UBR4: variants seen among roughly 807,000 people sequenced by gnomAD.
The protein encoded by UBR4 is ubiquitin protein ligase E3 component n-recognin 4.
In UBR4, 124 loss-of-function variants were observed where a neutral mutation model predicts 575.6. The ratio of observed to expected loss-of-function variants is 0.22; its 90% CI spans 0.19 to 0.25. The LOEUF (loss-of-function observed/expected upper bound fraction) is 0.25. Among genes scored for constraint, UBR4 ranks in the 10% least tolerant of loss-of-function variants. UBR4 has a pLI of 1.00. For synonymous variants in UBR4, 2,455 were observed against 2,473.7 expected (o/e 0.99, Z 0.22); for missense variants, 4,818 against 6,478.8 (o/e 0.74, Z 8.80).
chr1:19,097,799 G>C (rs1262965453), intron 90 of UBR4, among the ~76,000 whole-genome samples: 1 of 152,098 alleles, frequency 6.6e-6, no homozygotes, highest in African/African-American at 2.4e-5. Context: ...ATCAAAACAG[G>C]AAAAGAGAGT....
At chr1:19,082,370 G>C (rs939842689) in intron 102 of UBR4, 1 of 152,448 alleles carries the variant, frequency 6.6e-6, no homozygotes, top group Middle Eastern at 3.2e-3. Flanking sequence ...TAAGGATTCT[G>C]CCCAAGTCTC....
At chr1:19,181,656 A>G (rs1035921395) in intron 17 of UBR4, among the ~76,000 whole-genome samples, 2 of 152,206 alleles carry the variant, frequency 1.3e-5, no homozygotes, top group East Asian at 3.8e-4. Context: ...GTAGGTGCTC[A>G]ATGAATATGT....
rs759673000 is a variant in UBR4, at chr1:19,150,776, G to A, written c.7231C>T (p.Pro2411Ser). 2 of 1,613,794 alleles carry A rather than the reference G, an allele frequency of 1.2e-6. No individual in the cohort carries two copies. The change falls in exon 49 of 106, where the codon CCA (proline) becomes TCA (serine). Residue 2411 changes from proline (P) to serine (S), a missense_variant. Physicochemically the swap from Pro to Ser is moderately conservative, Grantham distance 74 (BLOSUM62 -1). Coordinates refer to ENST00000375254, the MANE Select transcript of UBR4 (RefSeq NM_020765.3). ...GCATCTATCATGGTGACACCTGCTG[G>A]ATCCACCGAGGCCCCAACTGCAATA... ...LNLFIGASVD[P>S]AGVTMIDAVK... is the part of the protein sequence containing the mutation.
chr1:19,156,171 G>C, intron 42 of UBR4, 100 bp downstream of exon 42: 1 of 1,496,566 alleles, frequency 6.7e-7, no homozygotes, highest in Non-Finnish European at 9.0e-7. Context: ...ATGGCACCCA[G>C]CTGATTTTTT....
At chr1:19,146,263 A>C in intron 52 of UBR4, 1 of 468,588 alleles carries the variant, frequency 2.1e-6, no homozygotes, top group South Asian at 2.3e-5. Context: ...TCTCTAGAAC[A>C]ATTCTGGGAT....
intron 68 of UBR4, among the ~76,000 whole-genome samples, 197 bp downstream of exon 68, chr1:19,120,992 T>A (rs2081111982): frequency 6.6e-6 from 1 of 152,258 alleles, no homozygotes; most frequent in Non-Finnish European, 1.5e-5. Context: ...TGTCACTTGG[T>A]ATGAGAAGTC....
In UBR4 at chr1:19,161,965, G is replaced by A; in HGVS notation, c.4957-68C>T. 4 of 1,561,652 alleles carry A rather than the reference G, an allele frequency of 2.6e-6. No homozygotes were observed. In the South Asian group the frequency reaches 3.4e-5, roughly 13 times the overall value. On this transcript the variant is annotated intron_variant, in intron 35 of 105. Coordinates refer to ENST00000375254, the MANE Select transcript of UBR4 (RefSeq NM_020765.3). Reference sequence around the variant, plus strand: ...CATATAAACACCCACAAAAACACATGTGCCTCAACGCCCTATGGCGGGGTG... The same window carrying A: ...CATATAAACACCCACAAAAACACATATGCCTCAACGCCCTATGGCGGGGTG...
intron 31 of UBR4, 102 bp downstream of exon 31, chr1:19,165,147 G>C: frequency 6.8e-7 from 1 of 1,470,032 alleles, no homozygotes; most frequent in South Asian, 1.2e-5. Context: ...CTCTCCACTC[G>C]TTAGCATTTT....
chr1:19,108,617 G>A (rs1419744753), intron 81 of UBR4, among the ~76,000 whole-genome samples: 1 of 152,164 alleles, frequency 6.6e-6, no homozygotes, highest in Non-Finnish European at 1.5e-5. Flanking sequence ...CCGGGTGGCA[G>A]TGAAGAACTG....
In UBR4 at chr1:19,170,788, G is replaced by A; in HGVS notation, c.3617C>T (p.Ser1206Phe). 6.2e-7 allele frequency: 1 copy of A among 1,614,190 alleles called. No individual in the cohort carries two copies. ...QGFAAVLAIG[S>F]SRCKANTLGP... ...CAGAGTATTTGCCTTGCACCTGCTA[G>A]AGCCAATAGCCAAAACAGCAGCAAA... is the stretch of plus-strand genomic sequence containing the variant. Residue 1206 changes from serine (S) to phenylalanine (F), a missense_variant, in exon 26 of 106, where the codon TCT (serine) becomes TTT (phenylalanine). Ser to Phe is a radical substitution (Grantham distance 155, BLOSUM62 -2). This residue lies in a region of UBR4 where 1,172 missense variants were observed against 1,259.7 expected (regional missense o/e 0.93). Coordinates refer to ENST00000375254, the MANE Select transcript of UBR4 (RefSeq NM_020765.3).
Position 19,117,879 on chromosome 1 carries a change from A to G in UBR4, c.10573T>C (p.Tyr3525His). 6.2e-7 allele frequency: 1 copy of G among 1,614,218 alleles called. No individual in the cohort carries two copies. Among genetic ancestry groups the G allele is most frequent in the Non-Finnish European group, 8.5e-7 (1 of 1,180,024 alleles). ...TLSGLVEFDG[Y>H]YLESDPCLVC... ...AGGCAGGGATCGCTCTCCAGGTAAT[A>G]GCCATCAAACTCCACTAAGCCAGAC... The change falls in exon 72 of 106, where the codon TAT (tyrosine) becomes CAT (histidine). Residue 3525 changes from tyrosine (Y) to histidine (H), a missense_variant. Around this residue, in one of 29 missense-constraint regions of UBR4, gnomAD observed 550 missense variants for 791.5 expected, o/e 0.69. Coordinates refer to ENST00000375254, the MANE Select transcript of UBR4 (RefSeq NM_020765.3). The surrounding 1 kb of genome is among the most constrained non-coding windows in gnomAD (Gnocchi z 4.0).
intron 29 of UBR4, among the ~76,000 whole-genome samples, chr1:19,166,620 G>A (rs1017942156): frequency 3.3e-5 from 5 of 149,452 alleles, no homozygotes; most frequent in African/African-American, 1.2e-4. Context: ...GCTCACGCCT[G>A]TAATCCCAGC....
intron 65 of UBR4, among the ~76,000 whole-genome samples, chr1:19,123,770 CT>C (rs2081428271): frequency 6.6e-6 from 1 of 152,208 alleles, no homozygotes. Flanking sequence ...AAATCCTCAT[CT>C]GAGGTTTGCT....
intron 85 of UBR4, 149 bp downstream of exon 85, chr1:19,104,899 T>C (rs1469167851): frequency 1.5e-6 from 2 of 1,319,498 alleles, no homozygotes; most frequent in African/African-American, 3.0e-5. Flanking sequence ...ACATAATAAA[T>C]ACAATGAAGT....
chr1:19,164,796 T>C lies in UBR4; in HGVS notation c.4511+3A>G, dbSNP rs777611196. On this transcript the variant is annotated splice_donor_region_variant and intron_variant, in intron 32 of 105. Coordinates refer to ENST00000375254, the MANE Select transcript of UBR4 (RefSeq NM_020765.3). ...AAACACGACAGAAATGTAGTTGTTC[T>C]ACCTGTTTTCCCGAACAATGTATGT... 22 of 1,613,648 alleles carry C rather than the reference T, an allele frequency of 1.4e-5. No homozygotes were observed. Among genetic ancestry groups the C allele is most frequent in the Non-Finnish European group, 1.9e-5 (22 of 1,179,600 alleles).
chr1:19,117,919 GA>G lies in UBR4; in HGVS notation c.10542-10del. The G allele has an allele frequency of 6.2e-7, 1 of 1,613,316 alleles. No individual in the cohort carries two copies. Among genetic ancestry groups the G allele is most frequent in the Non-Finnish European group, 8.5e-7 (1 of 1,179,232 alleles). ...CTAAGCCAGACAAAGTGCTAAGGAA[GA>G]AACCAGTCTTAGCATGAACACATTT... On this transcript the variant is annotated splice_polypyrimidine_tract_variant and intron_variant, in intron 71 of 105. Transcript: ENST00000375254. This position sits in a 1 kb window ranked among gnomAD's most constrained non-coding sequence, Gnocchi z 4.0.
intron 29 of UBR4, 122 bp downstream of exon 29, chr1:19,166,900 T>TAAAA: frequency 4.0e-6 from 4 of 993,470 alleles, no homozygotes; most frequent in Non-Finnish European, 5.8e-6. Flanking sequence ...TGTCTCAGAA[T>TAAAA]AAAAAAAAAA....
intron 2 of UBR4, among the ~76,000 whole-genome samples, chr1:19,200,481 G>A (rs12143407): frequency 0.096 from 14,617 of 151,840 alleles, 779 homozygotes; most frequent in Non-Finnish European, 0.12. Flanking sequence ...CCAGCACTTC[G>A]GGAGGCTGAG....
Position 19,165,662 on chromosome 1 carries a change from G to A in UBR4, c.4205C>T (p.Ser1402Phe), listed in dbSNP as rs891883055. 1 of 1,613,466 alleles carries A rather than the reference G, an allele frequency of 6.2e-7. No homozygotes were observed. The highest frequency in any genetic ancestry group is 8.5e-7 in the Non-Finnish European group (1 of 1,179,842). ...AAAGCAAAACACGGCTCACCTGTCA[G>A]AGAAAAACTCCTCCATAGCTTTACG... The part of the protein sequence containing the change: ...QARKAMEEFF[S>F]DSGELVQIMM... The change falls in exon 30 of 106, where the codon TCT becomes TTT. Residue 1402 changes from serine to phenylalanine, a missense_variant. Coordinates refer to ENST00000375254, the MANE Select transcript of UBR4 (RefSeq NM_020765.3).
Sources: allele counts gnomAD v4.1 joint callset (sites outside exome capture counted in the v4.1 genomes callset), GRCh38; gene constraint gnomAD v4.1.1; regional missense constraint gnomAD v4.1.1; non-coding constraint Gnocchi (gnomAD v3.1); transcripts MANE v1.5; gene names NCBI Gene and HGNC (gene_info 2026-07-23, HGNC 2026-07-21).